DCC: variants seen among roughly 807,000 people sequenced by gnomAD.
DCC encodes the protein netrin receptor DCC.
A neutral mutation model predicts 172.5 loss-of-function variants in DCC; 58 were observed. The observed-to-expected ratio is 0.34, with a 90% CI of 0.27 to 0.42. DCC has a LOEUF of 0.42. Ranked by LOEUF, DCC falls within the 10% of genes least tolerant of loss-of-function variation. DCC has a pLI of 1.00. For missense variants in DCC, 1,740 were observed against 1,791.0 expected, an observed-to-expected ratio of 0.97 and a Z score of 0.51; for synonymous variants, 709 against 644.5, an observed-to-expected ratio of 1.10 and a Z score of -1.52.
rs201842209 is a variant in DCC, at chr18:52,925,324, A to G, written c.939A>G (p.Thr313=). 4 of 1,612,624 alleles carry G rather than the reference A, an allele frequency of 2.5e-6. No homozygotes were observed. Among genetic ancestry groups the G allele is most frequent in the East Asian group, 2.2e-5 (1 of 44,828 alleles). The change falls in exon 5 of 29, where the codon ACA becomes ACG. Residue 313 remains threonine, a synonymous_variant. Transcript: ENST00000442544. ...GTGGAATGTATACCTGTGTTGTCAC[A>G]TATAAAAATGAGAATATTAGTGCCT... The part of the protein sequence containing the change: ...DDSGMYTCVV[T]YKNENISASA...
chr18:52,621,234 A>AT (rs1201265178), intron 1 of DCC, among the ~76,000 whole-genome samples: 1 of 152,148 alleles, frequency 6.6e-6, no homozygotes, highest in Non-Finnish European at 1.5e-5. Flanking sequence ...GAATTAATCG[A>AT]TTTTTCTCTG....
intron 5 of DCC, among the ~76,000 whole-genome samples, chr18:52,971,155 T>C (rs143113696): frequency 1.3e-5 from 2 of 152,156 alleles, no homozygotes; most frequent in African/African-American, 2.4e-5. Flanking sequence ...AGCTTTTTCC[T>C]TGGCCTTTTC....
In DCC at chr18:52,463,185, A is replaced by C. The variant is rs142229952; in HGVS notation, c.91+122307A>C. Among the ~76,000 whole-genome samples, 264 of 152,236 alleles carry C rather than the reference A, an allele frequency of 1.7e-3. 2 individuals carry two copies. The highest frequency in any genetic ancestry group is 3.2e-3 in the Non-Finnish European group (217 of 68,010). ...CTCACAACCCAGGAACAAAAGTAGC[A>C]AGGTTTGGTTTCTTGCTCGTGTGAT... On this transcript the variant is annotated intron_variant, in intron 1 of 28. Transcript: ENST00000442544.
chr18:52,932,804 CAT>C (rs1225416973), intron 5 of DCC, among the ~76,000 whole-genome samples: 2 of 151,438 alleles, frequency 1.3e-5, no homozygotes, highest in South Asian at 2.1e-4. Flanking sequence ...TATACATAAA[CAT>C]AGTATATACA....
At chr18:53,121,365 T>C (rs2043481414) in intron 7 of DCC, among the ~76,000 whole-genome samples, 1 of 151,966 alleles carries the variant, frequency 6.6e-6, no homozygotes, top group Admixed American at 6.6e-5. Context: ...TTAAATATTA[T>C]AGCAATGCCA....
intron 1 of DCC, among the ~76,000 whole-genome samples, chr18:52,377,993 C>G (rs182591368): frequency 3.3e-5 from 5 of 152,240 alleles, no homozygotes; most frequent in Admixed American, 1.3e-4. Flanking sequence ...AGCCTCTGCG[C>G]CTGGCCAAGC....
chr18:52,642,015 T>TAC (rs2034903641), intron 1 of DCC, among the ~76,000 whole-genome samples: 4 of 5,702 alleles, frequency 7.0e-4, no homozygotes, highest in African/African-American at 9.8e-4. Flanking sequence ...TGTGTGTGTG[T>TAC]ATATATATAT....
At chr18:52,680,046 T>C (rs2035718334) in intron 1 of DCC, among the ~76,000 whole-genome samples, 1 of 152,060 alleles carries the variant, frequency 6.6e-6, no homozygotes, top group Non-Finnish European at 1.5e-5. Flanking sequence ...ATACATGTAT[T>C]ATGTGGAAGT....
At chr18:52,861,657 A>G (rs1224093336) in intron 2 of DCC, among the ~76,000 whole-genome samples, 1 of 142,256 alleles carries the variant, frequency 7.0e-6, no homozygotes, top group Non-Finnish European at 1.6e-5. Context: ...TTCCAAACAA[A>G]AATCATTTAA....
At chr18:53,143,726 T>C (rs1003785113) in intron 7 of DCC, among the ~76,000 whole-genome samples, 4 of 152,234 alleles carry the variant, frequency 2.6e-5, no homozygotes, top group Admixed American at 6.5e-5. Flanking sequence ...TAGTCAGTAA[T>C]TTTAAAATGT....
intron 7 of DCC, among the ~76,000 whole-genome samples, chr18:53,150,317 A>G (rs1442848436): frequency 6.6e-6 from 1 of 152,240 alleles, no homozygotes; most frequent in Non-Finnish European, 1.5e-5. Context: ...CAACCACTGT[A>G]CAGAGTTCTG....
Position 53,151,078 on chromosome 18 carries a change from C to G in DCC, c.1262-6278C>G, listed in dbSNP as rs555647087. On this transcript the variant is annotated intron_variant, in intron 7 of 28. Coordinates refer to ENST00000442544, the MANE Select transcript of DCC (RefSeq NM_005215.4). The stretch of plus-strand genomic sequence containing the variant: ...TGAAAATGGATTGAACAGCTTCTCA[C>G]CCAGTGCCTTGCACAAAGTATGTCT... 3.3e-5 allele frequency among the ~76,000 whole-genome samples: 5 copies of G among 152,304 alleles called. No individual in the cohort carries two copies. The South Asian group carries it at 8.3e-4, about 25-fold the overall frequency.
intron 15 of DCC, among the ~76,000 whole-genome samples, chr18:53,358,530 C>CT (rs35093625): frequency 0.33 from 31,307 of 94,586 alleles, 5,777 homozygotes; most frequent in Non-Finnish European, 0.4. Context: ...TTCTCTCTCT[C>CT]TTTTTTTTTT....
chr18:52,990,201 C>T (rs1216838918), intron 5 of DCC, among the ~76,000 whole-genome samples: 1 of 152,090 alleles, frequency 6.6e-6, no homozygotes, highest in Non-Finnish European at 1.5e-5. Flanking sequence ...TTTCTCAATA[C>T]TAGATTATTC....
chr18:52,398,693 A>G (rs1368676336), intron 1 of DCC, among the ~76,000 whole-genome samples: 1 of 152,046 alleles, frequency 6.6e-6, no homozygotes, highest in Non-Finnish European at 1.5e-5. Context: ...GCCATAAAAC[A>G]GCAACTTTCA....
intron 3 of DCC, among the ~76,000 whole-genome samples, chr18:52,919,241 C>T (rs1193233553): frequency 6.6e-6 from 1 of 152,168 alleles, no homozygotes; most frequent in Non-Finnish European, 1.5e-5. Flanking sequence ...CCATAATCTA[C>T]CAGTCAAAGC....
intron 5 of DCC, among the ~76,000 whole-genome samples, chr18:53,027,719 CT>C (rs1464767964): frequency 6.6e-6 from 1 of 152,030 alleles, no homozygotes; most frequent in African/African-American, 2.4e-5. Context: ...CCTTTCCTTT[CT>C]TTTACTTTCC....
intron 1 of DCC, among the ~76,000 whole-genome samples, chr18:52,374,298 G>T (rs1318753083): frequency 6.6e-6 from 1 of 152,026 alleles, no homozygotes; most frequent in Non-Finnish European, 1.5e-5. Flanking sequence ...TTTTACTGAG[G>T]ATATCTATTA....
chr18:52,922,593 G>T (rs957017588), intron 3 of DCC, among the ~76,000 whole-genome samples: 2 of 152,120 alleles, frequency 1.3e-5, no homozygotes, highest in African/African-American at 2.4e-5. Flanking sequence ...GAATGAATTT[G>T]GTTGAAGATG....
Sources: allele counts gnomAD v4.1 joint callset (sites outside exome capture counted in the v4.1 genomes callset), GRCh38; gene constraint gnomAD v4.1.1; transcripts MANE v1.5; gene names NCBI Gene and HGNC (gene_info 2026-07-23, HGNC 2026-07-21).